Variants in POFUT3 observed in about 807,000 individuals in gnomAD.
POFUT3 encodes the protein GDP-fucose protein O-fucosyltransferase 3.
the POFUT3 span, among the ~76,000 whole-genome samples, chr8:33,422,545 CAAAAAAAAAAAAAAAAAAA>C: frequency 5.4e-5 from 2 of 37,130 alleles, no homozygotes; most frequent in Non-Finnish European, 1.0e-4. Context: ...AACTCTGTCT[CAAAAAAAAAAAAAAAAAAA>C]AAAAAAAACC....
At chr8:33,403,446 T>G in the POFUT3 span, among the ~76,000 whole-genome samples, 8 of 152,294 alleles carry the variant, frequency 5.3e-5, no homozygotes, top group East Asian at 1.5e-3. Context: ...CTGGCTGTAG[T>G]GGCTCACACC....
At chr8:33,312,508 T>C in the POFUT3 span, among the ~76,000 whole-genome samples, 1 of 152,118 alleles carries the variant, frequency 6.6e-6, no homozygotes, top group Non-Finnish European at 1.5e-5. Flanking sequence ...GTTTCTAGCA[T>C]GCAACTATGA....
the POFUT3 span, among the ~76,000 whole-genome samples, chr8:33,325,728 T>G: frequency 6.6e-6 from 1 of 152,134 alleles, no homozygotes; most frequent in African/African-American, 2.4e-5. Flanking sequence ...CCTCAAGTAT[T>G]GGGAGAAGGG....
At chr8:33,403,793 C>T in the POFUT3 span, among the ~76,000 whole-genome samples, 21 of 151,966 alleles carry the variant, frequency 1.4e-4, no homozygotes, top group Non-Finnish European at 2.5e-4. Context: ...TAAAGTAAGA[C>T]GAACTCTGTC....
At chr8:33,378,245 C>T in the POFUT3 span, among the ~76,000 whole-genome samples, 1 of 152,182 alleles carries the variant, frequency 6.6e-6, no homozygotes, top group Non-Finnish European at 1.5e-5. Flanking sequence ...TTTCCTCATA[C>T]ATGTAAAGGC....
the POFUT3 span, among the ~76,000 whole-genome samples, chr8:33,441,218 C>T: frequency 0.015 from 2,329 of 151,324 alleles, 22 homozygotes; most frequent in Non-Finnish European, 0.023. Context: ...GTAATCTCAG[C>T]TACTCAGGAG....
At chr8:33,323,628 T>C in the POFUT3 span, among the ~76,000 whole-genome samples, 1 of 152,260 alleles carries the variant, frequency 6.6e-6, no homozygotes, top group Admixed American at 6.5e-5. Flanking sequence ...ACTGTAGACT[T>C]ACTCCCAATT....
chr8:33,464,245 CA>C, the POFUT3 span, among the ~76,000 whole-genome samples: 1 of 152,120 alleles, frequency 6.6e-6, no homozygotes, highest in Non-Finnish European at 1.5e-5. Flanking sequence ...GCTACCCCAT[CA>C]ACTGGAACGT....
At chr8:33,433,786 GA>G in the POFUT3 span, among the ~76,000 whole-genome samples, 26 of 138,404 alleles carry the variant, frequency 1.9e-4, no homozygotes, top group African/African-American at 3.4e-4. Flanking sequence ...TCAGTCTCGG[GA>G]AAAAAAAAAA....
At chr8:33,426,812 C>T in the POFUT3 span, among the ~76,000 whole-genome samples, 1 of 152,186 alleles carries the variant, frequency 6.6e-6, no homozygotes, top group East Asian at 1.9e-4. Flanking sequence ...ATGCTGAAAT[C>T]GGCACCTGGC....
chr8:33,468,471 T>A, the POFUT3 span, among the ~76,000 whole-genome samples: 3 of 152,100 alleles, frequency 2.0e-5, no homozygotes, highest in African/African-American at 7.2e-5. Flanking sequence ...AAATTTAAAC[T>A]ATTCACACTA....
At chr8:33,454,655 T>C in the POFUT3 span, among the ~76,000 whole-genome samples, 1 of 151,032 alleles carries the variant, frequency 6.6e-6, no homozygotes, top group African/African-American at 2.4e-5. Context: ...CTGTAGGATA[T>C]CCAGAAATAG....
chr8:33,429,374 T>C, the POFUT3 span, among the ~76,000 whole-genome samples: 1 of 152,128 alleles, frequency 6.6e-6, no homozygotes, highest in African/African-American at 2.4e-5. Context: ...AGTATAGAAA[T>C]GTATAAAATT....
chr8:33,432,923 A>T, the POFUT3 span, among the ~76,000 whole-genome samples: 1 of 152,152 alleles, frequency 6.6e-6, no homozygotes, highest in Non-Finnish European at 1.5e-5. Context: ...TTCTTGTAGC[A>T]TATAGAAGTA....
chr8:33,449,030 T>C, the POFUT3 span, among the ~76,000 whole-genome samples: 2 of 152,076 alleles, frequency 1.3e-5, no homozygotes, highest in Non-Finnish European at 2.9e-5. Flanking sequence ...GGAACAAAGA[T>C]GAATTGATGT....
chr8:33,416,830 C>CAAAAAAAAAA, the POFUT3 span, among the ~76,000 whole-genome samples: 1 of 44,528 alleles, frequency 2.2e-5, no homozygotes, highest in Admixed American at 2.8e-4. Flanking sequence ...TGGGCGACGA[C>CAAAAAAAAAA]AAAAAAAAAA....
At chr8:33,389,129 G>T in the POFUT3 span, 7 of 1,613,962 alleles carry the variant, frequency 4.3e-6, no homozygotes, top group Middle Eastern at 1.6e-4. Context: ...TTCTACATAG[G>T]CCTCATACAA....
At chr8:33,468,003 G>A in the POFUT3 span, among the ~76,000 whole-genome samples, 1 of 152,164 alleles carries the variant, frequency 6.6e-6, no homozygotes, top group Non-Finnish European at 1.5e-5. Context: ...ACTGTGGGAG[G>A]CCAAGGTGGG....
chr8:33,466,155 C>T, the POFUT3 span, among the ~76,000 whole-genome samples: 1 of 152,100 alleles, frequency 6.6e-6, no homozygotes. Context: ...AGAACAGAGC[C>T]AGCCAGGTGC....
Sources: gnomAD v4.1 joint callset for allele counts (sites outside exome capture counted in the v4.1 genomes callset) on GRCh38, gnomAD v4.1.1 for gene constraint, MANE v1.5 for transcripts, NCBI Gene and HGNC (gene_info 2026-07-23, HGNC 2026-07-21) for gene names.